The following MAPK10 variants were observed in gnomAD, a reference collection of about 807,000 sequenced individuals.
MAPK10 encodes the protein JNK3 alpha protein kinase.
In MAPK10, 25 loss-of-function variants were observed where a neutral mutation model predicts 59.3. The observed-to-expected ratio is 0.42, with a 90% CI of 0.31 to 0.59. The LOEUF (loss-of-function observed/expected upper bound fraction) is 0.59. MAPK10 is among the 20% of genes least tolerant of loss of function. The pLI is 0.15. For synonymous variants in MAPK10, 190 were observed against 200.5 expected, an observed-to-expected ratio of 0.95 and a Z score of 0.44; for missense variants, 351 against 568.9, an observed-to-expected ratio of 0.62 and a Z score of 3.90.
At chr4:86,484,845 A>G (rs1753868775) in intron 1 of MAPK10, among the ~76,000 whole-genome samples, 1 of 152,216 alleles carries the variant, frequency 6.6e-6, no homozygotes, top group Non-Finnish European at 1.5e-5. Flanking sequence ...TGTTTCTTAT[A>G]ACACAGAATA....
rs148022789 is a variant in MAPK10, at chr4:86,303,575, A to G, written c.-7+50955T>C. On this transcript the variant is annotated intron_variant, in intron 2 of 13. Coordinates refer to ENST00000641462, the MANE Select transcript of MAPK10 (RefSeq NM_138982.4). ...AAAGTACAATGGGAACACTGTGAAG[A>G]AAAAGCTAATTTTGCTTGGGGAAAT... is the stretch of plus-strand genomic sequence containing the variant. Among the ~76,000 whole-genome samples, 655 of 152,346 alleles carry G rather than the reference A, an allele frequency of 4.3e-3. 5 individuals carry two copies. The highest frequency in any genetic ancestry group is 0.015 in the African/African-American group (621 of 41,586).
intron 12 of MAPK10, among the ~76,000 whole-genome samples, chr4:86,029,664 G>A (rs894067478): frequency 1.3e-5 from 2 of 151,948 alleles, no homozygotes; most frequent in Admixed American, 6.6e-5. Context: ...ATTCTTTGGG[G>A]GAAGTACTAA....
intron 2 of MAPK10, among the ~76,000 whole-genome samples, chr4:86,214,237 C>T (rs983144500): frequency 6.6e-6 from 1 of 151,848 alleles, no homozygotes; most frequent in African/African-American, 2.4e-5. Context: ...ACTATCTCAA[C>T]ACAATAAGAA....
chr4:86,104,466 A>G (rs1010809814), intron 5 of MAPK10, among the ~76,000 whole-genome samples: 11 of 152,140 alleles, frequency 7.2e-5, no homozygotes, highest in African/African-American at 2.7e-4. Context: ...GTGAGTGTTG[A>G]AAAATGACTA....
Position 86,010,949 on chromosome 4 carries a change from A to G in MAPK10, c.*6279T>C, listed in dbSNP as rs559453267. On this transcript the variant is annotated 3_prime_UTR_variant, in exon 14 of 14. Transcript: ENST00000641462. ...ACTAGAAGTTCAGTGATTAAGAAAT[A>G]AAGCCACGTACCCCACGGAGTGAAA... 6.6e-6 allele frequency: 1 copy of G among 152,350 alleles called. No homozygotes were observed. Among genetic ancestry groups the G allele is most frequent in the East Asian group, 1.9e-4 (1 of 5,190 alleles). The allele number at this position is 152,350 out of a possible 1,614,324, so 9.4% of individuals were successfully genotyped here. A position where few individuals can be genotyped will look rare whatever the true frequency, so the allele number is the denominator to read the frequency against.
chr4:86,568,454 C>T (rs564736079), intron 1 of MAPK10, among the ~76,000 whole-genome samples: 8 of 152,090 alleles, frequency 5.3e-5, no homozygotes, highest in Non-Finnish European at 8.8e-5. Context: ...TCATATGGAA[C>T]CAAAAATAAA....
rs576616989 is a variant in MAPK10 at position 86,074,798 on chromosome 4, C to T, written c.803-6843G>A. Among the ~76,000 whole-genome samples the T allele has an allele frequency of 4.5e-4, 56 of 123,352 alleles. 1 individual carries two copies. In the South Asian group the frequency reaches 6.7e-3, roughly 15 times the overall value. 80.9% of individuals were successfully genotyped at this position (123,352 alleles called of 152,430 possible). ...TGATGGGCTTCCCTTTGAGGGTAACCCGACCTTTCTCTCTGGCTGCCCTTA... is the reference window on the plus strand; with the variant it reads ...TGATGGGCTTCCCTTTGAGGGTAACTCGACCTTTCTCTCTGGCTGCCCTTA... On this transcript the variant is annotated intron_variant, in intron 9 of 13. Coordinates refer to ENST00000641462, the MANE Select transcript of MAPK10 (RefSeq NM_138982.4).
At chr4:86,246,436 C>T (rs2093094464) in intron 2 of MAPK10, among the ~76,000 whole-genome samples, 1 of 152,124 alleles carries the variant, frequency 6.6e-6, no homozygotes, top group South Asian at 2.1e-4. Flanking sequence ...ATCTCAACAA[C>T]AACAGCAACA....
chr4:86,212,816 TAAC>T (rs145354308), intron 2 of MAPK10, among the ~76,000 whole-genome samples: 4,531 of 152,162 alleles, frequency 0.03, 155 homozygotes, highest in African/African-American at 0.083. Context: ...ATAGTAAATA[TAAC>T]AACCATACAA....
At position 86,342,149 on chromosome 4, in the gene MAPK10, G is replaced by A. The variant is rs185885201; in HGVS notation, c.-7+12381C>T. On this transcript the variant is annotated intron_variant, in intron 2 of 13. Coordinates refer to ENST00000641462, the MANE Select transcript of MAPK10 (RefSeq NM_138982.4). Reference sequence around the variant, plus strand: ...CAAATGTTGTCCCATCTCCATTTGCGTAGGGAAAAGTCAGAATAATGATGT... The same window carrying A: ...CAAATGTTGTCCCATCTCCATTTGCATAGGGAAAAGTCAGAATAATGATGT... 5.1e-4 allele frequency among the ~76,000 whole-genome samples: 78 copies of A among 152,258 alleles called. 1 individual carries two copies. The highest frequency in any genetic ancestry group is 1.5e-3 in the African/African-American group (62 of 41,558).
At chr4:86,118,545 T>C (rs906645411) in intron 4 of MAPK10, among the ~76,000 whole-genome samples, 4 of 149,456 alleles carry the variant, frequency 2.7e-5, no homozygotes, top group Admixed American at 6.8e-5. Context: ...TAAAGCTATG[T>C]TTACCTCCTT....
chr4:86,312,223 C>T (rs142579397), intron 2 of MAPK10, among the ~76,000 whole-genome samples: 1 of 152,082 alleles, frequency 6.6e-6, no homozygotes, highest in Non-Finnish European at 1.5e-5. Flanking sequence ...GAAACAATTT[C>T]TTCTATTTTT....
chr4:86,176,698 C>G (rs545925476), intron 3 of MAPK10, among the ~76,000 whole-genome samples: 5 of 152,158 alleles, frequency 3.3e-5, no homozygotes, highest in African/African-American at 1.2e-4. Context: ...ATTAACACTT[C>G]TGAAATTTGC....
At chr4:86,484,618 C>A (rs548783842) in intron 1 of MAPK10, among the ~76,000 whole-genome samples, 15 of 152,262 alleles carry the variant, frequency 9.9e-5, no homozygotes, top group Non-Finnish European at 2.2e-4. Context: ...CAACACCCAG[C>A]ACATAATTTA....
At chr4:86,170,110 C>T (rs1188665654) in intron 3 of MAPK10, among the ~76,000 whole-genome samples, 1 of 151,726 alleles carries the variant, frequency 6.6e-6, no homozygotes, top group East Asian at 1.9e-4. Flanking sequence ...AAAATCATGC[C>T]AAAATGTAAA....
intron 1 of MAPK10, among the ~76,000 whole-genome samples, chr4:86,436,511 T>C (rs984735786): frequency 5.3e-5 from 8 of 152,286 alleles, no homozygotes; most frequent in African/African-American, 1.4e-4. Flanking sequence ...ATGTAGCCTT[T>C]TTTTGATGTA....
rs568756570 is a variant in MAPK10 at position 86,323,075 on chromosome 4, G to A, written c.-7+31455C>T. Among the ~76,000 whole-genome samples, 18 of 152,194 alleles carry A rather than the reference G, an allele frequency of 1.2e-4. 1 individual carries two copies. The South Asian group carries it at 3.7e-3, about 31-fold the overall frequency. Reference sequence around the variant, plus strand: ...CTATAGTCCCAGCTACTCTGGGGCTGAGGCAGGAGAATCTCTTGAACCTGG... The same window carrying A: ...CTATAGTCCCAGCTACTCTGGGGCTAAGGCAGGAGAATCTCTTGAACCTGG... On this transcript the variant is annotated intron_variant, in intron 2 of 13. Coordinates refer to ENST00000641462, the MANE Select transcript of MAPK10 (RefSeq NM_138982.4).
chr4:86,548,133 T>C (rs533572666), intron 1 of MAPK10, among the ~76,000 whole-genome samples: 35 of 152,212 alleles, frequency 2.3e-4, no homozygotes, highest in African/African-American at 7.5e-4. Context: ...TTTTATGAGC[T>C]GTAACACTCA....
chr4:86,292,504 G>A (rs573868233), intron 2 of MAPK10, among the ~76,000 whole-genome samples: 24 of 152,206 alleles, frequency 1.6e-4, no homozygotes, highest in African/African-American at 5.3e-4. Flanking sequence ...ACAGCTTGAC[G>A]TCAGGAGTTT....
Sources: allele counts gnomAD v4.1 joint callset (sites outside exome capture counted in the v4.1 genomes callset), GRCh38; gene constraint gnomAD v4.1.1; transcripts MANE v1.5; gene names NCBI Gene and HGNC (gene_info 2026-07-23, HGNC 2026-07-21).